ZC3H15: variants seen among roughly 807,000 people sequenced by gnomAD.
The protein encoded by ZC3H15 is zinc finger CCCH-type containing 15.
Under a neutral mutation model 51.2 loss-of-function variants are expected in ZC3H15, and 15 were observed. The ratio of observed to expected loss-of-function variants is 0.29; its 90% confidence interval spans 0.20 to 0.45. The LOEUF is 0.45. Among genes scored for constraint, ZC3H15 ranks in the 20% least tolerant of loss-of-function variants. The pLI is 1.00. For missense variants in ZC3H15, 381 were observed against 494.7 expected (o/e 0.77, Z 2.18); for synonymous variants, 144 against 162.8 (o/e 0.88, Z 0.88).
Position 186,504,126 on chromosome 2 carries a change from C to T in ZC3H15, c.629C>T (p.Ala210Val). 6.2e-7 allele frequency: 1 copy of T among 1,610,016 alleles called. No individual in the cohort carries two copies. Among genetic ancestry groups the T allele is most frequent in the East Asian group, 2.2e-5 (1 of 44,670 alleles). ...GGTGATATTTGCATGTATCGTCATG[C>T]ACTTCCTCCTGGATTTGTGTTGAAA... ...GGGDICMYRH[A>V]LPPGFVLKKD... The change falls in exon 6 of 10, where the codon GCA becomes GTA. Residue 210 changes from alanine (A) to valine (V), a missense_variant. This residue lies in a region of ZC3H15 where 41 missense variants were observed against 86.5 expected (regional missense o/e 0.47). Transcript: ENST00000337859.
Position 186,495,329 on chromosome 2 carries a change from C to A in ZC3H15, c.172C>A (p.Arg58Ser). ...HQVKFGQQNPRQVAQSEAEKK... is the reference protein window; with the variant it reads ...HQVKFGQQNPSQVAQSEAEKK... ...AGTTAAATTTGGTCAACAAAATCCA[C>A]GTCAGGTAAGTAATTTAAATGTCCA... The change falls in exon 2 of 10, where the codon CGT (arginine) becomes AGT (serine). Residue 58 changes from arginine (R) to serine (S), a missense_variant. Arg to Ser is a moderately radical substitution (Grantham distance 110). Transcript: ENST00000337859. The A allele has an allele frequency of 1.3e-6, 2 of 1,501,066 alleles. No individual in the cohort carries two copies. Among genetic ancestry groups the A allele is most frequent in the African/African-American group, 1.4e-5 (1 of 69,848 alleles). 93.0% of individuals were successfully genotyped at this position (1,501,066 alleles called of 1,614,324 possible).
intron 1 of ZC3H15, among the ~76,000 whole-genome samples, chr2:186,487,551 A>G (rs1283281571): frequency 3.3e-5 from 5 of 152,240 alleles, no homozygotes; most frequent in African/African-American, 1.2e-4. Context: ...GAGAACTGGT[A>G]TTCTTATTGC....
chr2:186,503,625 C>T (rs529761627), intron 5 of ZC3H15, among the ~76,000 whole-genome samples: 1 of 152,300 alleles, frequency 6.6e-6, no homozygotes, highest in East Asian at 1.9e-4. Flanking sequence ...AGGTGATCCG[C>T]CCGCCTCGGC....
rs996210222 is a variant in ZC3H15 at position 186,509,189 on chromosome 2, G to T, written c.*456G>T. 3 of 320,414 alleles carry T rather than the reference G, an allele frequency of 9.4e-6. No individual in the cohort carries two copies. The highest frequency in any genetic ancestry group is 1.8e-5 in the Non-Finnish European group (3 of 164,872). The allele number at this position is 320,414 out of a possible 1,614,324, so 19.8% of individuals were successfully genotyped here. On this transcript the variant is annotated 3_prime_UTR_variant, in exon 10 of 10. Coordinates refer to ENST00000337859, the MANE Select transcript of ZC3H15 (RefSeq NM_018471.3). Reference sequence around the variant, plus strand: ...CACTGTACTTCATAAAGGAAACTGCGTATGCAGATTCAGTATTGTGTATCT... The same window carrying T: ...CACTGTACTTCATAAAGGAAACTGCTTATGCAGATTCAGTATTGTGTATCT...
intron 1 of ZC3H15, among the ~76,000 whole-genome samples, chr2:186,488,201 AAT>A (rs1360595094): frequency 6.6e-6 from 1 of 152,108 alleles, no homozygotes; most frequent in Admixed American, 6.5e-5. Context: ...ACTTATGTAA[AAT>A]AAAATGTACA....
At chr2:186,501,247 C>A (rs1196525977) in intron 3 of ZC3H15, 26 bp from the exon 4 acceptor site, 1 of 1,571,738 alleles carries the variant, frequency 6.4e-7, no homozygotes, top group Non-Finnish European at 8.6e-7. Context: ...GATTATAATA[C>A]AAATACCATA....
intron 4 of ZC3H15, among the ~76,000 whole-genome samples, chr2:186,501,763 G>A (rs952322641): frequency 6.6e-6 from 1 of 151,406 alleles, no homozygotes; most frequent in African/African-American, 2.4e-5. Flanking sequence ...CCAGACTGGA[G>A]TGCAGTGGCA....
chr2:186,488,129 G>T (rs1417180543), intron 1 of ZC3H15, among the ~76,000 whole-genome samples: 1 of 151,804 alleles, frequency 6.6e-6, no homozygotes, highest in Non-Finnish European at 1.5e-5. Flanking sequence ...AATTAAGCCC[G>T]ATTTTGTGTT....
At position 186,509,280 on chromosome 2, in the gene ZC3H15, T is replaced by C. The variant is rs961056970; in HGVS notation, c.*547T>C. ...TCTGACAGGATCAGCTACAATGCCC[T>C]GTGTTAAATTGTTTAAAAGTTTCCC... On this transcript the variant is annotated 3_prime_UTR_variant, in exon 10 of 10. Transcript: ENST00000337859. The C allele has an allele frequency of 6.2e-6, 1 of 161,042 alleles. No homozygotes were observed. Among genetic ancestry groups the C allele is most frequent in the African/African-American group, 2.4e-5 (1 of 41,580 alleles). The allele number at this position is 161,042 out of a possible 1,614,324, so 10.0% of individuals were successfully genotyped here. A position where few individuals can be genotyped will look rare whatever the true frequency, so the allele number is the denominator to read the frequency against.
chr2:186,496,371 C>A (rs569191308), intron 2 of ZC3H15, among the ~76,000 whole-genome samples: 1 of 152,324 alleles, frequency 6.6e-6, no homozygotes, highest in Admixed American at 6.5e-5. Context: ...GCGCATGACA[C>A]CACACCTAGC....
intron 6 of ZC3H15, 96 bp from the exon 7 acceptor site, chr2:186,505,355 C>T: frequency 2.2e-6 from 3 of 1,389,992 alleles, no homozygotes; most frequent in South Asian, 1.8e-5. Flanking sequence ...TCAGGATAGT[C>T]ATGGGCAAGG....
chr2:186,486,323 C>G lies in ZC3H15; in HGVS notation c.-60C>G. On this transcript the variant is annotated 5_prime_UTR_variant, in exon 1 of 10. Transcript: ENST00000337859. ...TCTTCCTCCTCGTCCTGCCGCAGGG[C>G]CAGAACCCCTGACGGTATTCAGCTG... 6.8e-7 allele frequency: 1 copy of G among 1,460,244 alleles called. No homozygotes were observed. The highest frequency in any genetic ancestry group is 2.6e-5 in the East Asian group (1 of 37,842). 90.5% of individuals were successfully genotyped at this position (1,460,244 alleles called of 1,614,324 possible).
Position 186,486,308 on chromosome 2 carries a change from C to A in ZC3H15, c.-75C>A, listed in dbSNP as rs1233760084. On this transcript the variant is annotated 5_prime_UTR_variant, in exon 1 of 10. Transcript: ENST00000337859. Reference sequence around the variant, plus strand: ...CGAGTGAGGCCCCGGTCTTCCTCCTCGTCCTGCCGCAGGGCCAGAACCCCT... The same window carrying A: ...CGAGTGAGGCCCCGGTCTTCCTCCTAGTCCTGCCGCAGGGCCAGAACCCCT... The A allele has an allele frequency of 2.2e-6, 3 of 1,381,152 alleles. No homozygotes were observed. Among genetic ancestry groups the A allele is most frequent in the South Asian group, 3.2e-5 (2 of 62,678 alleles). The allele number at this position is 1,381,152 out of a possible 1,614,324, so 85.6% of individuals were successfully genotyped here.
At chr2:186,495,394 C>T (rs757570934) in intron 2 of ZC3H15, 60 bp downstream of exon 2, 1 of 979,088 alleles carries the variant, frequency 1.0e-6, no homozygotes, top group Non-Finnish European at 1.4e-6. Context: ...GCCTCTGTTT[C>T]AGATAAAATG....
chr2:186,489,903 TC>T (rs1439127535), intron 1 of ZC3H15, among the ~76,000 whole-genome samples: 4 of 152,210 alleles, frequency 2.6e-5, no homozygotes, highest in Non-Finnish European at 4.4e-5. Context: ...TGCAGCTAGT[TC>T]CCGTGAGTTA....
chr2:186,502,583 A>G lies in ZC3H15; in HGVS notation c.530A>G (p.Gln177Arg), dbSNP rs757240380. The G allele has an allele frequency of 4.3e-6, 7 of 1,609,356 alleles. No individual in the cohort carries two copies. The highest frequency in any genetic ancestry group is 5.9e-6 in the Non-Finnish European group (7 of 1,177,346). ...GEAEKKKPKTQIVCKHFLEAI... is the reference protein window; with the variant it reads ...GEAEKKKPKTRIVCKHFLEAI... ...GCGGAAAAGAAAAAACCAAAAACTC[A>G]AATAGTATGTCCTTTTCTTGAATTG... is the stretch of plus-strand genomic sequence containing the variant. The change falls in exon 5 of 10, where the codon CAA (glutamine) becomes CGA (arginine). Residue 177 changes from glutamine to arginine, a missense_variant. Transcript: ENST00000337859.
chr2:186,500,340 A>G (rs1472555225), intron 3 of ZC3H15, 47 bp downstream of exon 3: 5 of 1,421,826 alleles, frequency 3.5e-6, no homozygotes, highest in African/African-American at 1.4e-5. Flanking sequence ...AATGTAGTTT[A>G]TGCTAAAAAC....
chr2:186,501,571 T>C lies in ZC3H15; in HGVS notation c.442+146T>C. The stretch of plus-strand genomic sequence containing the variant: ...ATTGGGTTTATTATTTTTTATAAAA[T>C]CTGAAAATTACCATAATATGCCCTT... On this transcript the variant is annotated intron_variant, in intron 4 of 9. Coordinates refer to ENST00000337859, the MANE Select transcript of ZC3H15 (RefSeq NM_018471.3). 3 of 717,388 alleles carry C rather than the reference T, an allele frequency of 4.2e-6. No homozygotes were observed. In the South Asian group the frequency reaches 7.9e-5, roughly 19 times the overall value. The allele number at this position is 717,388 out of a possible 1,614,324, so 44.4% of individuals were successfully genotyped here. A position where few individuals can be genotyped will look rare whatever the true frequency, so the allele number is the denominator to read the frequency against.
At chr2:186,487,466 G>GTT (rs1372598593) in intron 1 of ZC3H15, 1 of 152,162 alleles carries the variant, frequency 6.6e-6, no homozygotes, top group Non-Finnish European at 1.5e-5. Flanking sequence ...ACCGCATAAG[G>GTT]TGTAAAGTCT....
Sources: gnomAD v4.1 joint callset for allele counts (sites outside exome capture counted in the v4.1 genomes callset) on GRCh38, gnomAD v4.1.1 for gene constraint, gnomAD v4.1.1 regional missense constraint, MANE v1.5 for transcripts, NCBI Gene and HGNC (gene_info 2026-07-23, HGNC 2026-07-21) for gene names.